H2AZ2: variants seen among roughly 807,000 people sequenced by gnomAD.
H2AZ2 encodes H2A.Z variant histone 2.
Under a neutral mutation model 15.5 loss-of-function variants are expected in H2AZ2, and 5 were observed. The observed-to-expected ratio is 0.32, with a 90% CI of 0.17 to 0.68. The LOEUF (loss-of-function observed/expected upper bound fraction) is 0.68, where lower values mean the gene tolerates loss of function less well. H2AZ2 is among the 30% of genes least tolerant of loss of function. The pLI is 0.72. For missense variants in H2AZ2, 42 were observed against 162.5 expected (o/e 0.26, Z 4.03); for synonymous variants, 44 against 57.4 (o/e 0.77, Z 1.05).
At chr7:44,838,229 T>C (rs1159572112) in intron 3 of H2AZ2, among the ~76,000 whole-genome samples, 2 of 152,088 alleles carry the variant, frequency 1.3e-5, no homozygotes, top group African/African-American at 4.8e-5. Context: ...CACCTCAGCC[T>C]CCCAAAGTGC....
chr7:44,828,679 C>G (rs1179936356), downstream of H2AZ2: 2 of 152,176 alleles, frequency 1.3e-5, no homozygotes, highest in African/African-American at 4.8e-5. Flanking sequence ...AAATCTCTAC[C>G]CTCAGGGGCC....
Position 44,833,589 on chromosome 7 carries a change from G to T in H2AZ2, c.*912C>A, listed in dbSNP as rs1431364664. The stretch of plus-strand genomic sequence containing the variant: ...TGGTCTCAAACTCCTGACCTCAAGT[G>T]TTCCACCAGCCTCGGTCTCCCGAAG... On this transcript the variant is annotated 3_prime_UTR_variant, in exon 5 of 5. Coordinates refer to ENST00000308153, the MANE Select transcript of H2AZ2 (RefSeq NM_012412.5). 28 of 669,040 alleles carry T rather than the reference G, an allele frequency of 4.2e-5. No homozygotes were observed. Among genetic ancestry groups the T allele is most frequent in the Non-Finnish European group, 5.2e-5 (28 of 541,104 alleles). 41.4% of individuals were successfully genotyped at this position (669,040 alleles called of 1,614,324 possible).
chr7:44,837,675 TAG>T (rs904678433), intron 3 of H2AZ2, among the ~76,000 whole-genome samples: 1 of 151,716 alleles, frequency 6.6e-6, no homozygotes, highest in African/African-American at 2.4e-5. Context: ...TATTTTTTTG[TAG>T]AGACAGGGTT....
intron 3 of H2AZ2, among the ~76,000 whole-genome samples, chr7:44,838,131 T>C (rs952556752): frequency 3.3e-5 from 5 of 151,922 alleles, no homozygotes; most frequent in Admixed American, 2.6e-4. Context: ...CACGCCACCA[T>C]GCCCAGCTAA....
At chr7:44,839,285 G>A (rs993729159) in intron 3 of H2AZ2, among the ~76,000 whole-genome samples, 3 of 152,096 alleles carry the variant, frequency 2.0e-5, no homozygotes, top group South Asian at 4.1e-4. Flanking sequence ...CTGGGGTATG[G>A]TGGTTTATGT....
chr7:44,841,865 C>T (rs1294543089), intron 2 of H2AZ2, among the ~76,000 whole-genome samples: 1 of 152,192 alleles, frequency 6.6e-6, no homozygotes, highest in East Asian at 1.9e-4. Flanking sequence ...TTTCCTTCTA[C>T]AGACTTTACT....
chr7:44,829,420 G>A (rs1792969829), downstream of H2AZ2: 1 of 152,232 alleles, frequency 6.6e-6, no homozygotes, highest in South Asian at 2.1e-4. Context: ...GGCCAACATG[G>A]TGAAACCCCA....
intron 1 of H2AZ2, among the ~76,000 whole-genome samples, chr7:44,843,647 C>T (rs1429418482): frequency 6.6e-6 from 1 of 152,170 alleles, no homozygotes; most frequent in Non-Finnish European, 1.5e-5. Context: ...CAAACTCCAC[C>T]TCCTGGGCTC....
intron 2 of H2AZ2, among the ~76,000 whole-genome samples, chr7:44,841,751 G>A (rs1334290097): frequency 3.3e-5 from 5 of 152,166 alleles, no homozygotes; most frequent in African/African-American, 1.2e-4. Flanking sequence ...TTACAGGCAT[G>A]AGCCACTGTG....
intron 3 of H2AZ2, among the ~76,000 whole-genome samples, chr7:44,839,095 T>G (rs1583716051): frequency 6.6e-6 from 1 of 152,230 alleles, no homozygotes; most frequent in Non-Finnish European, 1.5e-5. Context: ...CAATTTTGTA[T>G]GTATAACCCT....
rs1020980108 is a variant in H2AZ2, at chr7:44,832,376, G to C, written c.*2125C>G. ...CATGAAAATACTATGCCTGTTAATGGGACTCAAACTGATCCCTGTGGGTTG... is the reference window on the plus strand; with the variant it reads ...CATGAAAATACTATGCCTGTTAATGCGACTCAAACTGATCCCTGTGGGTTG... On this transcript the variant is annotated 3_prime_UTR_variant, in exon 5 of 5. Coordinates refer to ENST00000308153, the MANE Select transcript of H2AZ2 (RefSeq NM_012412.5). 1.3e-5 allele frequency among the ~76,000 whole-genome samples: 2 copies of C among 152,056 alleles called. No homozygotes were observed. The highest frequency in any genetic ancestry group is 2.9e-5 in the Non-Finnish European group (2 of 68,022).
At chr7:44,828,613 T>A (rs935454541), downstream of H2AZ2, 3 of 152,194 alleles carry the variant, frequency 2.0e-5, no homozygotes, top group African/African-American at 7.2e-5. Flanking sequence ...ACAATCACCC[T>A]TGAAAGAATT....
intron 3 of H2AZ2, among the ~76,000 whole-genome samples, chr7:44,835,955 CTTTTT>C (rs56386314): frequency 1.7e-4 from 15 of 90,874 alleles, no homozygotes; most frequent in Admixed American, 1.2e-4. Flanking sequence ...TTAGAAAAGT[CTTTTT>C]TTTTTTTTTT....
Position 44,833,082 on chromosome 7 carries a change from C to CT in H2AZ2, c.*1418dup, listed in dbSNP as rs1219493496. ...TTTTTTTTTGAGACAGAGTCACACTCTGTCACCTAGGCTGGAGTGTAGTGG... is the reference window on the plus strand; with the variant it reads ...TTTTTTTTTGAGACAGAGTCACACTCTTGTCACCTAGGCTGGAGTGTAGTGG... On this transcript the variant is annotated 3_prime_UTR_variant, in exon 5 of 5. Coordinates refer to ENST00000308153, the MANE Select transcript of H2AZ2 (RefSeq NM_012412.5). Among the ~76,000 whole-genome samples, 3 of 152,008 alleles carry CT rather than the reference C, an allele frequency of 2.0e-5. No homozygotes were observed. The highest frequency in any genetic ancestry group is 4.4e-5 in the Non-Finnish European group (3 of 67,988).
At chr7:44,835,771 A>T in intron 3 of H2AZ2, 113 bp from the exon 4 acceptor site, 1 of 915,822 alleles carries the variant, frequency 1.1e-6, no homozygotes, top group East Asian at 2.7e-5. Flanking sequence ...CTGATAATAT[A>T]TTTTTCTTTC....
rs998676138 is a variant in H2AZ2 at position 44,840,938 on chromosome 7, G to A, written c.156C>T (p.Ala52=). 6.2e-7 allele frequency: 1 copy of A among 1,614,072 alleles called. No individual in the cohort carries two copies. Among genetic ancestry groups the A allele is most frequent in the South Asian group, 1.1e-5 (1 of 91,080 alleles). The change falls in exon 3 of 5, where the codon GCC becomes GCT. Residue 52 remains alanine (A), a synonymous_variant. Coordinates refer to ENST00000308153, the MANE Select transcript of H2AZ2 (RefSeq NM_012412.5). The stretch of plus-strand genomic sequence containing the variant: ...ACTCCAGAATCGCAGCACTGTACAC[G>A]GCAGCAGTGGCACCCACCCTTCCAT... ...TSHGRVGATA[A]VYSAAILEYL...
chr7:44,830,082 G>T, downstream of H2AZ2: 1 of 1,548,352 alleles, frequency 6.5e-7, no homozygotes. Flanking sequence ...CATCCCAGTA[G>T]AATCTTGTTC....
intron 3 of H2AZ2, 22 bp downstream of exon 3, chr7:44,840,877 C>T: frequency 6.4e-7 from 1 of 1,558,470 alleles, no homozygotes; most frequent in Non-Finnish European, 8.8e-7. Context: ...TGGCCATATA[C>T]AACAGACATT....
chr7:44,845,623 C>T (rs1248740990), intron 1 of H2AZ2, among the ~76,000 whole-genome samples: 2 of 152,116 alleles, frequency 1.3e-5, no homozygotes, highest in Non-Finnish European at 2.9e-5. Flanking sequence ...CCCAGGCTCC[C>T]CAGGTCATAT....
Sources: gnomAD v4.1 joint callset for allele counts (sites outside exome capture counted in the v4.1 genomes callset) on GRCh38, gnomAD v4.1.1 for gene constraint, MANE v1.5 for transcripts, NCBI Gene and HGNC (gene_info 2026-07-23, HGNC 2026-07-21) for gene names.